Variants in HOXB3 observed in about 807,000 individuals in gnomAD.
The protein encoded by HOXB3 is homeobox protein Hox-B3.
A neutral mutation model predicts 29.2 loss-of-function variants in HOXB3; 17 were observed. The ratio of observed to expected loss-of-function variants is 0.58; its 90% CI spans 0.40 to 0.87. The LOEUF is 0.87. Ranked by LOEUF, HOXB3 falls within the 40% of genes least tolerant of loss-of-function variation. The probability of loss-of-function intolerance (pLI) is 0.00; values close to 1 mark genes in which losing one functional copy is unlikely to be tolerated. For synonymous variants in HOXB3, 317 were observed against 285.9 expected, an observed-to-expected ratio of 1.11 and a Z score of -1.10; for missense variants, 637 against 616.3, an observed-to-expected ratio of 1.03 and a Z score of -0.35.
At chr17:48,555,105 A>G (rs2068911026) in intron 3 of HOXB3, among the ~76,000 whole-genome samples, 1 of 151,872 alleles carries the variant, frequency 6.6e-6, no homozygotes, top group African/African-American at 2.4e-5. Context: ...CCCCAGGGAG[A>G]GCCAGGAGAG....
chr17:48,587,244 T>G (rs1471283496), intron 1 of HOXB3, among the ~76,000 whole-genome samples: 1 of 152,062 alleles, frequency 6.6e-6, no homozygotes, highest in Non-Finnish European at 1.5e-5. Context: ...CCCAAACAGC[T>G]CCGTTTCCAG....
At position 48,552,577 on chromosome 17, in the gene HOXB3, C is replaced by G; in HGVS notation, c.-103G>C. ...GGGTCACGTGACACGCCGGACCCCC[C>G]CCCCCCACCTCCCCTCTCTGCCCCC... On this transcript the variant is annotated 5_prime_UTR_variant, in exon 4 of 5. Coordinates refer to ENST00000498678, the MANE Select transcript of HOXB3 (RefSeq NM_001384749.1). 1 of 793,720 alleles carries G rather than the reference C, an allele frequency of 1.3e-6. No homozygotes were observed. The highest frequency in any genetic ancestry group is 1.9e-6 in the Non-Finnish European group (1 of 526,136). The allele number at this position is 793,720 out of a possible 1,614,324, so 49.2% of individuals were successfully genotyped here.
At chr17:48,567,617 C>T (rs938352475) in intron 2 of HOXB3, among the ~76,000 whole-genome samples, 3 of 152,116 alleles carry the variant, frequency 2.0e-5, no homozygotes, top group African/African-American at 7.2e-5. Context: ...CAGCTCTTCC[C>T]CTCCCTCTCC....
In HOXB3 at chr17:48,550,634, G is replaced by C. The variant is rs758142438; in HGVS notation, c.996C>G (p.His332Gln). The C allele has an allele frequency of 1.3e-6, 2 of 1,524,338 alleles. No homozygotes were observed. Among genetic ancestry groups the C allele is most frequent in the Admixed American group, 2.2e-5 (1 of 45,678 alleles). The allele number at this position is 1,524,338 out of a possible 1,614,324, so 94.4% of individuals were successfully genotyped here. ...AGGCGCCCCCGTTGGCTTGGAGGAC[G>C]TGCGGCTCATACTCGGGCGCCGGGG... ...PPTPAPEYEP[H>Q]VLQANGGAYG... Residue 332 changes from histidine (H) to glutamine (Q), a missense_variant, in exon 5 of 5, where the codon CAC (histidine) becomes CAG (glutamine). By Grantham distance (24) the His-to-Gln change is conservative (BLOSUM62 0). Transcript: ENST00000498678.
At chr17:48,578,708 A>G (rs1002876166) in intron 1 of HOXB3, 1 of 243,386 alleles carries the variant, frequency 4.1e-6, no homozygotes, top group East Asian at 1.6e-4. Flanking sequence ...CAAACCCTAG[A>G]TCCCTTAAGA....
intron 2 of HOXB3, among the ~76,000 whole-genome samples, chr17:48,572,640 G>A (rs897225710): frequency 2.6e-5 from 4 of 152,208 alleles, no homozygotes; most frequent in South Asian, 2.1e-4. Flanking sequence ...TGTGTACAGA[G>A]AGACAGATTA....
intron 1 of HOXB3, chr17:48,576,659 CCCAT>C: frequency 1.1e-6 from 1 of 891,842 alleles, no homozygotes; most frequent in Non-Finnish European, 1.6e-6. Flanking sequence ...GTCCCCCCAC[CCCAT>C]CCCCTGCACT....
Position 48,552,577 on chromosome 17 carries a change from C to CT in HOXB3, c.-104_-103insA. 3 of 793,720 alleles carry CT rather than the reference C, an allele frequency of 3.8e-6. No homozygotes were observed. Among genetic ancestry groups the CT allele is most frequent in the Non-Finnish European group, 3.8e-6 (2 of 526,136 alleles). The allele number at this position is 793,720 out of a possible 1,614,324, so 49.2% of individuals were successfully genotyped here. ...GGGTCACGTGACACGCCGGACCCCC[C>CT]CCCCCCACCTCCCCTCTCTGCCCCC... On this transcript the variant is annotated 5_prime_UTR_variant, in exon 4 of 5. The change creates a premature stop within an existing upstream ORF in the 5' untranslated region. Transcript: ENST00000498678.
chr17:48,573,736 A>G, intron 2 of HOXB3, 101 bp downstream of exon 2: 1 of 646,524 alleles, frequency 1.5e-6, no homozygotes. Flanking sequence ...AAGAAAGTTA[A>G]AAAAGAAAAA....
intron 1 of HOXB3, chr17:48,577,823 C>T (rs1169461383): frequency 3.6e-6 from 5 of 1,377,520 alleles, no homozygotes; most frequent in Non-Finnish European, 4.7e-6. Flanking sequence ...TGGTGTAAAG[C>T]TCCAGGGGTG....
At chr17:48,576,350 G>GT (rs1227650117) in intron 1 of HOXB3, 1 of 172,776 alleles carries the variant, frequency 5.8e-6, no homozygotes, top group Non-Finnish European at 1.2e-5. Context: ...TGGACCTGGC[G>GT]TGATTAAAGA....
Position 48,551,096 on chromosome 17 carries a change from C to T in HOXB3, c.534G>A (p.Gly178=), listed in dbSNP as rs374434430. 36 of 1,409,102 alleles carry T rather than the reference C, an allele frequency of 2.6e-5. No individual in the cohort carries two copies. The highest frequency in any genetic ancestry group is 3.0e-5 in the African/African-American group (2 of 67,240). The allele number at this position is 1,409,102 out of a possible 1,614,324, so 87.3% of individuals were successfully genotyped here. ...SGGGGGGGGG[G]DKSPPGSAAS... ...CCGCCGACCCCGGGGGGCTCTTGTCCCCTCCCCCGCCGCCGCCGCCACCGC... is the reference window on the plus strand; with the variant it reads ...CCGCCGACCCCGGGGGGCTCTTGTCTCCTCCCCCGCCGCCGCCGCCACCGC... The change falls in exon 5 of 5, where the codon GGG becomes GGA. Residue 178 remains glycine (G), a synonymous_variant. Transcript: ENST00000498678.
Position 48,552,530 on chromosome 17 carries a change from G to T in HOXB3, c.-56C>A. 7.1e-7 allele frequency: 1 copy of T among 1,418,184 alleles called. No individual in the cohort carries two copies. The highest frequency in any genetic ancestry group is 9.5e-7 in the Non-Finnish European group (1 of 1,047,442). 87.9% of individuals were successfully genotyped at this position (1,418,184 alleles called of 1,614,324 possible). ...ACTTGGAAAGGCCTGATACCCTCAG[G>T]ACCGGACATTGGCAACCCTGGGGGT... On this transcript the variant is annotated 5_prime_UTR_variant, in exon 4 of 5. Coordinates refer to ENST00000498678, the MANE Select transcript of HOXB3 (RefSeq NM_001384749.1).
chr17:48,558,425 C>T (rs1262144452), intron 2 of HOXB3, among the ~76,000 whole-genome samples: 1 of 152,112 alleles, frequency 6.6e-6, no homozygotes, highest in African/African-American at 2.4e-5. Context: ...TCTCAGAGGA[C>T]ATATACCCCC....
chr17:48,576,650 T>TGCC, intron 1 of HOXB3: 83 of 567,706 alleles, frequency 1.5e-4, no homozygotes, highest in East Asian at 3.6e-4. Context: ...CCCCCTCCTG[T>TGCC]CCCCCCACCC....
intron 2 of HOXB3, among the ~76,000 whole-genome samples, chr17:48,567,455 AGGCTCT>A (rs2069428172): frequency 6.6e-6 from 1 of 152,204 alleles, no homozygotes; most frequent in Non-Finnish European, 1.5e-5. Context: ...GAGTTGGTGA[AGGCTCT>A]GGCCCTCTGC....
chr17:48,570,737 C>T (rs932073390), intron 2 of HOXB3, among the ~76,000 whole-genome samples: 12 of 152,164 alleles, frequency 7.9e-5, no homozygotes, highest in African/African-American at 2.9e-4. Context: ...GGGGTGGGGG[C>T]GCCGGCCAGG....
At chr17:48,587,800 T>A (rs961509730) in intron 1 of HOXB3, among the ~76,000 whole-genome samples, 1 of 151,900 alleles carries the variant, frequency 6.6e-6, no homozygotes, top group Non-Finnish European at 1.5e-5. Flanking sequence ...ACAAAACAAA[T>A]AACCAAATAA....
At chr17:48,575,970 T>C (rs6504397) in intron 1 of HOXB3, 144,284 of 152,222 alleles carry the variant, frequency 0.95, 68,845 homozygotes, top group East Asian at 1. Flanking sequence ...GACTCAATTT[T>C]CCTGCTCACT....
Sources: gnomAD v4.1 joint callset for allele counts (sites outside exome capture counted in the v4.1 genomes callset) on GRCh38, gnomAD v4.1.1 for gene constraint, MANE v1.5 for transcripts, NCBI Gene and HGNC (gene_info 2026-07-23, HGNC 2026-07-21) for gene names.